The following NRXN3 variants were observed in gnomAD, a reference collection of about 807,000 sequenced individuals.
The protein encoded by NRXN3 is neurexin 3, also known as neurexin III.
NRXN3 carries 32 observed loss-of-function variants against 137.6 expected under a neutral mutation model. The ratio of observed to expected loss-of-function variants is 0.23; its 90% CI spans 0.18 to 0.31. The LOEUF (loss-of-function observed/expected upper bound fraction) is 0.31, where lower values mean the gene tolerates loss of function less well. Among genes scored for constraint, NRXN3 ranks in the 10% least tolerant of loss-of-function variants. The pLI is 1.00. For synonymous variants in NRXN3, 798 were observed against 784.5 expected, an observed-to-expected ratio of 1.02 and a Z score of -0.29; for missense variants, 1,574 against 2,062.5, an observed-to-expected ratio of 0.76 and a Z score of 4.59.
intron 1 of NRXN3, among the ~76,000 whole-genome samples, chr14:78,186,930 C>A (rs1254901562): frequency 6.6e-6 from 1 of 152,120 alleles, no homozygotes; most frequent in Admixed American, 6.6e-5. Context: ...GCCATATGAC[C>A]CTAAACACTT....
intron 15 of NRXN3, among the ~76,000 whole-genome samples, chr14:79,375,630 G>T (rs761263577): frequency 5.3e-5 from 8 of 151,988 alleles, no homozygotes; most frequent in African/African-American, 1.9e-4. Context: ...CCGATGACTG[G>T]CTTGCCCTGG....
intron 4 of NRXN3, among the ~76,000 whole-genome samples, chr14:78,458,647 G>A (rs1252057984): frequency 2.0e-5 from 3 of 152,146 alleles, no homozygotes; most frequent in African/African-American, 4.8e-5. Context: ...TAAGATTTTC[G>A]TACAAAGCAA....
At chr14:78,979,808 T>C (rs1175270740) in intron 14 of NRXN3, among the ~76,000 whole-genome samples, 1 of 152,108 alleles carries the variant, frequency 6.6e-6, no homozygotes, top group Admixed American at 6.6e-5. Flanking sequence ...AGAGAGAACT[T>C]GTGTAGGGGA....
At chr14:79,322,252 C>T (rs2090156047) in intron 15 of NRXN3, among the ~76,000 whole-genome samples, 4 of 152,152 alleles carry the variant, frequency 2.6e-5, no homozygotes, top group Admixed American at 2.6e-4. Context: ...CTAAATCCTT[C>T]ATGTGGCTTT....
intron 5 of NRXN3, among the ~76,000 whole-genome samples, chr14:78,645,885 A>G (rs2097682409): frequency 6.6e-6 from 1 of 152,086 alleles, no homozygotes; most frequent in Non-Finnish European, 1.5e-5. Flanking sequence ...TCCTTCCAGA[A>G]AAAGTCTTCC....
intron 15 of NRXN3, among the ~76,000 whole-genome samples, chr14:79,257,531 G>A (rs896222188): frequency 8.9e-6 from 1 of 111,972 alleles, no homozygotes; most frequent in African/African-American, 3.6e-5. Flanking sequence ...TGGTGGTGGT[G>A]GTGATGGTGG....
chr14:78,607,306 C>T (rs2097261242), intron 4 of NRXN3, among the ~76,000 whole-genome samples: 2 of 152,302 alleles, frequency 1.3e-5, no homozygotes, highest in Non-Finnish European at 2.9e-5. Flanking sequence ...CGCTGAGCTT[C>T]CATGAAAGCA....
intron 4 of NRXN3, among the ~76,000 whole-genome samples, chr14:78,579,387 C>T (rs2096968627): frequency 6.6e-6 from 1 of 152,144 alleles, no homozygotes; most frequent in African/African-American, 2.4e-5. Context: ...CAGCCTTCTC[C>T]ACTTCACTGG....
At chr14:79,349,379 G>A (rs1336148298) in intron 15 of NRXN3, among the ~76,000 whole-genome samples, 3 of 151,788 alleles carry the variant, frequency 2.0e-5, no homozygotes, top group African/African-American at 7.3e-5. Flanking sequence ...AAAGCAGGAG[G>A]AAATGAACCC....
Position 79,644,520 on chromosome 14 carries a change from T to C in NRXN3, c.3445-19258T>C, listed in dbSNP as rs892839844. On this transcript the variant is annotated intron_variant, in intron 16 of 20. Transcript: ENST00000335750. Reference sequence around the variant, plus strand: ...CCCATTTGTAAAACTGAGATTCATATACAACTGTGCAAAATATGTGTCCCT... The same window carrying C: ...CCCATTTGTAAAACTGAGATTCATACACAACTGTGCAAAATATGTGTCCCT... Among the ~76,000 whole-genome samples the C allele has an allele frequency of 1.3e-4, 18 of 136,122 alleles. 1 individual carries two copies. The East Asian group carries it at 2.5e-3, about 19-fold the overall frequency. 89.3% of individuals were successfully genotyped at this position (136,122 alleles called of 152,430 possible).
chr14:78,590,321 C>A (rs1023276439), intron 4 of NRXN3, among the ~76,000 whole-genome samples: 1 of 152,192 alleles, frequency 6.6e-6, no homozygotes, highest in African/African-American at 2.4e-5. Context: ...CTTACCTGTA[C>A]AATGCAGGGG....
chr14:79,836,554 C>T (rs1479549025), intron 20 of NRXN3, among the ~76,000 whole-genome samples: 2 of 152,104 alleles, frequency 1.3e-5, no homozygotes, highest in African/African-American at 2.4e-5. Flanking sequence ...TGTTTGGCCA[C>T]CTTTATAATA....
chr14:78,595,387 G>A (rs1225956462), intron 4 of NRXN3, among the ~76,000 whole-genome samples: 1 of 152,188 alleles, frequency 6.6e-6, no homozygotes, highest in Non-Finnish European at 1.5e-5. Flanking sequence ...AGCTAGTACA[G>A]TCCTGTGCAC....
rs116079480 is a variant in NRXN3, at chr14:78,850,944, G to A, written c.2275+40600G>A. On this transcript the variant is annotated intron_variant, in intron 10 of 20. Coordinates refer to ENST00000335750, the MANE Select transcript of NRXN3 (RefSeq NM_001330195.2). ...ACAGTTTCCAAAAGTGTTCTTAAGC[G>A]GTTGTAGGTTTTATTTTGCTTTACA... 2.2e-3 allele frequency among the ~76,000 whole-genome samples: 341 copies of A among 152,264 alleles called. 2 individuals carry two copies. The highest frequency in any genetic ancestry group is 7.9e-3 in the African/African-American group (330 of 41,572).
intron 17 of NRXN3, among the ~76,000 whole-genome samples, chr14:79,684,571 G>A (rs181824473): frequency 5.1e-4 from 77 of 152,188 alleles, no homozygotes; most frequent in Middle Eastern, 3.4e-3. Flanking sequence ...CTTGAGCATC[G>A]GAGATATTAA....
intron 15 of NRXN3, among the ~76,000 whole-genome samples, chr14:79,140,921 T>C (rs2058729928): frequency 6.6e-6 from 1 of 152,056 alleles, no homozygotes; most frequent in Admixed American, 6.6e-5. Flanking sequence ...TACAAACACA[T>C]AGAAACACAC....
intron 4 of NRXN3, chr14:78,615,013 C>T: frequency 2.2e-6 from 1 of 456,624 alleles, no homozygotes; most frequent in Non-Finnish European, 4.4e-6. Context: ...CTACCCACTT[C>T]CACCGGGATC....
chr14:79,728,496 C>CT (rs1245640730), intron 19 of NRXN3, among the ~76,000 whole-genome samples: 1 of 152,310 alleles, frequency 6.6e-6, no homozygotes, highest in East Asian at 1.9e-4. Context: ...CAGGGCAACC[C>CT]TTTATGCAAG....
At chr14:78,965,049 C>A (rs2152991564) in intron 11 of NRXN3, among the ~76,000 whole-genome samples, 1 of 152,286 alleles carries the variant, frequency 6.6e-6, no homozygotes, top group African/African-American at 2.4e-5. Flanking sequence ...TAATTGTCTT[C>A]TGGGTTGCTA....
Sources: gnomAD v4.1 joint callset for allele counts (sites outside exome capture counted in the v4.1 genomes callset) on GRCh38, gnomAD v4.1.1 for gene constraint, MANE v1.5 for transcripts, NCBI Gene and HGNC (gene_info 2026-07-23, HGNC 2026-07-21) for gene names.